The following FTCDNL1 variants were observed in gnomAD, a reference collection of about 807,000 sequenced individuals.
FTCDNL1 encodes formiminotransferase cyclodeaminase N-terminal like.
A neutral mutation model predicts 5.9 loss-of-function variants in FTCDNL1; 11 were observed. The ratio of observed to expected loss-of-function variants is 1.87; its 90% CI spans 1.18 to 3.10. The LOEUF (loss-of-function observed/expected upper bound fraction) is 3.10, where lower values mean the gene tolerates loss of function less well. FTCDNL1 is among the 30% of genes most tolerant of loss of function. The pLI is 0.00. For synonymous variants in FTCDNL1, 58 were observed against 24.8 expected (o/e 2.34, Z -3.99); for missense variants, 115 against 65.5 (o/e 1.76, Z -2.61).
chr2:199,734,697 G>A, the FTCDNL1 span, among the ~76,000 whole-genome samples: 5 of 152,132 alleles, frequency 3.3e-5, no homozygotes, highest in African/African-American at 7.2e-5. Flanking sequence ...ACTGGTTCCT[G>A]AGAATACAGA....
chr2:199,836,055 C>G (rs1025840111), intron 3 of FTCDNL1, among the ~76,000 whole-genome samples: 2 of 152,192 alleles, frequency 1.3e-5, no homozygotes, highest in South Asian at 4.1e-4. Flanking sequence ...GATTGGGAAA[C>G]AATTACAAGA....
At chr2:199,749,341 C>T in the FTCDNL1 span, among the ~76,000 whole-genome samples, 89 of 152,264 alleles carry the variant, frequency 5.8e-4, 1 homozygote, top group Middle Eastern at 3.4e-3. Context: ...AGTGAGGTCT[C>T]TATGAACTGA....
chr2:199,709,895 G>A, the FTCDNL1 span, among the ~76,000 whole-genome samples: 1 of 151,986 alleles, frequency 6.6e-6, no homozygotes, highest in African/African-American at 2.4e-5. Context: ...TACCTCTTTT[G>A]TAGCCATAAT....
At chr2:199,748,878 T>C in the FTCDNL1 span, among the ~76,000 whole-genome samples, 1 of 152,182 alleles carries the variant, frequency 6.6e-6, no homozygotes, top group Non-Finnish European at 1.5e-5. Context: ...TGGTTCATTC[T>C]GAGGAGTTCC....
At chr2:199,824,821 C>T (rs1267054567) in intron 3 of FTCDNL1, among the ~76,000 whole-genome samples, 1 of 152,126 alleles carries the variant, frequency 6.6e-6, no homozygotes, top group Non-Finnish European at 1.5e-5. Context: ...CATCAAAGAT[C>T]ACTGATCGCA....
the FTCDNL1 span, among the ~76,000 whole-genome samples, chr2:199,725,073 G>C: frequency 1.3e-5 from 2 of 152,130 alleles, no homozygotes; most frequent in Admixed American, 1.3e-4. Flanking sequence ...TCCTGTATTG[G>C]ATGCATATAT....
intron 3 of FTCDNL1, among the ~76,000 whole-genome samples, chr2:199,772,908 T>C (rs1471214638): frequency 1.3e-5 from 2 of 152,238 alleles, no homozygotes; most frequent in East Asian, 3.8e-4. Context: ...GCTGTGTTCA[T>C]TGGCTGGGTA....
the FTCDNL1 span, among the ~76,000 whole-genome samples, chr2:199,729,778 A>C: frequency 6.6e-6 from 1 of 152,238 alleles, no homozygotes; most frequent in Non-Finnish European, 1.5e-5. Flanking sequence ...CATAATGCCC[A>C]AAGTAATTTA....
intron 3 of FTCDNL1, among the ~76,000 whole-genome samples, chr2:199,787,661 T>C (rs1309086732): frequency 6.6e-6 from 1 of 152,170 alleles, no homozygotes; most frequent in Non-Finnish European, 1.5e-5. Flanking sequence ...AGAGAAGCAT[T>C]CTTTGAAAAT....
chr2:199,786,709 A>C (rs902282883), intron 3 of FTCDNL1, among the ~76,000 whole-genome samples: 1 of 152,206 alleles, frequency 6.6e-6, no homozygotes, highest in African/African-American at 2.4e-5. Flanking sequence ...GTGAACCTTC[A>C]AATTGCTGTT....
rs117132680 is a variant in FTCDNL1 at position 199,801,756 on chromosome 2, G to A, written c.212-40921C>T. On this transcript the variant is annotated intron_variant, in intron 3 of 3. Coordinates refer to the FTCDNL1 transcript ENST00000416668. The stretch of plus-strand genomic sequence containing the variant: ...ACAAGGTCAGGAGACTGAGACCACC[G>A]TGAAACCCCGTCTGTATTAAAAATA... Among the ~76,000 whole-genome samples, 36 of 152,058 alleles carry A rather than the reference G, an allele frequency of 2.4e-4. No individual in the cohort carries two copies. In the East Asian group the frequency reaches 6.4e-3, roughly 27 times the overall value.
chr2:199,790,918 C>T (rs1372260093), intron 3 of FTCDNL1, among the ~76,000 whole-genome samples: 4 of 152,098 alleles, frequency 2.6e-5, no homozygotes, highest in African/African-American at 9.7e-5. Flanking sequence ...ATATAATATA[C>T]TCTTTAACGC....
chr2:199,756,216 G>A (rs937169352), downstream of FTCDNL1, among the ~76,000 whole-genome samples: 1 of 152,192 alleles, frequency 6.6e-6, no homozygotes, highest in African/African-American at 2.4e-5. Context: ...AAAGTGGATA[G>A]GTGAAAATAT....
chr2:199,832,322 A>G (rs1301633934), intron 3 of FTCDNL1, among the ~76,000 whole-genome samples: 1 of 152,198 alleles, frequency 6.6e-6, no homozygotes, highest in Admixed American at 6.5e-5. Flanking sequence ...CTTCACACAC[A>G]GTTATTTCAT....
the FTCDNL1 span, among the ~76,000 whole-genome samples, chr2:199,721,441 G>C: frequency 6.6e-6 from 1 of 152,116 alleles, no homozygotes; most frequent in Admixed American, 6.6e-5. Flanking sequence ...CCCTTCAAAG[G>C]ACATAGTCTC....
chr2:199,669,604 G>A, the FTCDNL1 span, among the ~76,000 whole-genome samples: 114 of 152,242 alleles, frequency 7.5e-4, no homozygotes, highest in African/African-American at 2.4e-3. Context: ...AAGGGAAGTC[G>A]AGTCCATGTG....
At chr2:199,793,654 T>C (rs892268197) in intron 3 of FTCDNL1, among the ~76,000 whole-genome samples, 3 of 152,182 alleles carry the variant, frequency 2.0e-5, no homozygotes, top group Non-Finnish European at 4.4e-5. Context: ...TGAGTCCCAG[T>C]GTAACAATAA....
chr2:199,722,524 A>C, the FTCDNL1 span, among the ~76,000 whole-genome samples: 3 of 152,176 alleles, frequency 2.0e-5, no homozygotes, highest in Non-Finnish European at 2.9e-5. Flanking sequence ...TGTTTACTGT[A>C]GCCTTGTAGT....
intron 3 of FTCDNL1, among the ~76,000 whole-genome samples, chr2:199,792,652 C>T (rs1250904381): frequency 1.3e-5 from 2 of 152,164 alleles, no homozygotes; most frequent in East Asian, 1.9e-4. Flanking sequence ...TCACCCGTCT[C>T]GCTAATCTGT....
Sources: allele counts gnomAD v4.1 joint callset (sites outside exome capture counted in the v4.1 genomes callset), GRCh38; gene constraint gnomAD v4.1.1; transcripts MANE v1.5; gene names NCBI Gene and HGNC (gene_info 2026-07-23, HGNC 2026-07-21).